The following HERC2 variants were observed in gnomAD, a reference collection of about 807,000 sequenced individuals.
HERC2 encodes E3 ubiquitin-protein ligase HERC2.
HERC2 carries 102 observed loss-of-function variants against 537.7 expected under a neutral mutation model. The ratio of observed to expected loss-of-function variants is 0.19; its 90% CI spans 0.16 to 0.22. The LOEUF (loss-of-function observed/expected upper bound fraction) is 0.22. HERC2 is among the 10% of genes least tolerant of loss of function. The pLI is 1.00. For synonymous variants in HERC2, 2,224 were observed against 2,466.2 expected (o/e 0.90, Z 2.91); for missense variants, 4,236 against 6,198.2 (o/e 0.68, Z 10.63).
chr15:28,202,376 C>A lies in HERC2; in HGVS notation c.7451G>T (p.Gly2484Val). 2 of 1,613,770 alleles carry A rather than the reference C, an allele frequency of 1.2e-6. No individual in the cohort carries two copies. The highest frequency in any genetic ancestry group is 1.3e-5 in the African/African-American group (1 of 75,002). ...NIEFALKSLT[G>V]ASGNASSLPG... ...CAAGCTGGATGCATTCCCGGAAGCA[C>A]CAGTGAGAGACTTCAGGGCAAACTC... Residue 2484 changes from glycine to valine, a missense_variant, in exon 46 of 93, where the codon GGT (glycine) becomes GTT (valine). Gly to Val is a moderately radical substitution (Grantham distance 109). Transcript: ENST00000261609.
In HERC2 at chr15:28,247,358, C is replaced by CA. The variant is rs1318296120; in HGVS notation, c.3236-462dup. 2.0e-5 allele frequency among the ~76,000 whole-genome samples: 3 copies of CA among 150,276 alleles called. No homozygotes were observed. In the South Asian group the frequency reaches 6.3e-4, roughly 32 times the overall value. On this transcript the variant is annotated intron_variant, in intron 21 of 92. Transcript: ENST00000261609. ...TTCCTAAAAGCTTGTAAATTATTCCCAAAAAACAAAGTTAGGCACTTTTCT... is the reference window on the plus strand; with the variant it reads ...TTCCTAAAAGCTTGTAAATTATTCCCAAAAAAACAAAGTTAGGCACTTTTCT...
chr15:28,245,042 TAAG>T (rs1029766815), intron 23 of HERC2, among the ~76,000 whole-genome samples: 2 of 152,130 alleles, frequency 1.3e-5, no homozygotes, highest in African/African-American at 2.4e-5. Flanking sequence ...GCAATGCCTG[TAAG>T]AAGTGCTCAG....
At chr15:28,127,172 A>C (rs765944460) in intron 83 of HERC2, among the ~76,000 whole-genome samples, 4 of 152,196 alleles carry the variant, frequency 2.6e-5, no homozygotes, top group Non-Finnish European at 4.4e-5. Context: ...TGCTCTCCAC[A>C]CGTTGGTCCT....
At chr15:28,301,771 A>G (rs1276586009) in intron 2 of HERC2, among the ~76,000 whole-genome samples, 4 of 112,248 alleles carry the variant, frequency 3.6e-5, no homozygotes, top group Non-Finnish European at 5.2e-5. Context: ...ATATATATAT[A>G]TATATATATG....
chr15:28,213,847 C>A lies in HERC2; in HGVS notation c.6681G>T (p.Glu2227Asp). 1 of 1,614,048 alleles carries A rather than the reference C, an allele frequency of 6.2e-7. No homozygotes were observed. The highest frequency in any genetic ancestry group is 8.5e-7 in the Non-Finnish European group (1 of 1,179,920). The change falls in exon 42 of 93, where the codon GAG (glutamate) becomes GAT (aspartate). Residue 2227 changes from glutamate (E) to aspartate (D), a missense_variant. Around this residue, in one of 27 missense-constraint regions of HERC2, gnomAD observed 365 missense variants for 468.8 expected, o/e 0.78. Coordinates refer to ENST00000261609, the MANE Select transcript of HERC2 (RefSeq NM_004667.6). ...LRLGGQVMHD[E>D]FGEGTVTRIT... ...TGCGAGTCACAGTGCCTTCTCCAAACTCATCGTGCATAACTTGACCGCCCA... is the reference window on the plus strand; with the variant it reads ...TGCGAGTCACAGTGCCTTCTCCAAAATCATCGTGCATAACTTGACCGCCCA...
intron 2 of HERC2, among the ~76,000 whole-genome samples, chr15:28,304,919 T>G (rs1596449487): frequency 7.3e-6 from 1 of 137,534 alleles, no homozygotes; most frequent in African/African-American, 2.7e-5. Flanking sequence ...CCTGTGACCA[T>G]GTGATCTCAT....
At position 28,262,868 on chromosome 15, in the gene HERC2, TAC is replaced by T. The variant is rs779491091; in HGVS notation, c.2122+48_2122+49del. The T allele has an allele frequency of 5.8e-6, 9 of 1,562,194 alleles. No homozygotes were observed. The African/African-American group carries it at 1.2e-4, about 21-fold the overall frequency. ...ATAAAACCTGCTAACTTTAAAACAT[TAC>T]TAAAGAAACTGTCCTGAAGGGTTTT... On this transcript the variant is annotated intron_variant, in intron 15 of 92. Transcript: ENST00000261609.
At chr15:28,285,803 C>CAAAAA (rs3079904) in intron 4 of HERC2, among the ~76,000 whole-genome samples, 11,140 of 71,564 alleles carry the variant, frequency 0.16, 993 homozygotes, top group East Asian at 0.41. Context: ...GCATGACTGA[C>CAAAAA]AAAAAAAAAA....
chr15:28,232,084 G>C (rs182553882), intron 30 of HERC2, among the ~76,000 whole-genome samples: 33 of 152,294 alleles, frequency 2.2e-4, no homozygotes, highest in African/African-American at 7.7e-4. Flanking sequence ...CTCGCATTCA[G>C]ACAGGCTGTT....
At chr15:28,146,203 G>A in intron 71 of HERC2, 34 bp downstream of exon 71, 1 of 1,412,526 alleles carries the variant, frequency 7.1e-7, no homozygotes. Context: ...ACACAGGTGG[G>A]TAGATCATGC....
chr15:28,197,435 TA>T (rs1897452759), intron 50 of HERC2, among the ~76,000 whole-genome samples: 1 of 152,242 alleles, frequency 6.6e-6, no homozygotes, highest in Non-Finnish European at 1.5e-5. Flanking sequence ...TTCCATTTCT[TA>T]AATTCAGTCC....
At chr15:28,317,248 G>A (rs1357554216) in intron 2 of HERC2, among the ~76,000 whole-genome samples, 4 of 152,032 alleles carry the variant, frequency 2.6e-5, no homozygotes, top group Admixed American at 1.3e-4. Flanking sequence ...ACACTACCAC[G>A]CCTGACTCTT....
intron 2 of HERC2, among the ~76,000 whole-genome samples, chr15:28,300,944 T>G (rs1313423957): frequency 1.3e-5 from 2 of 149,244 alleles, no homozygotes; most frequent in Non-Finnish European, 3.0e-5. Context: ...TTTTTGAATA[T>G]ATTTGCTTAC....
At position 28,321,904 on chromosome 15, in the gene HERC2, C is replaced by G. The variant is rs1461496350; in HGVS notation, c.-32+171G>C. On this transcript the variant is annotated intron_variant, in intron 1 of 92. Coordinates refer to ENST00000261609, the MANE Select transcript of HERC2 (RefSeq NM_004667.6). Reference sequence around the variant, plus strand: ...AAAGGATCGCCTGCAGAAAAACCCACAGCCACCACCACTTAAGAGATGGAG... The same window carrying G: ...AAAGGATCGCCTGCAGAAAAACCCAGAGCCACCACCACTTAAGAGATGGAG... Among the ~76,000 whole-genome samples the G allele has an allele frequency of 2.8e-4, 40 of 143,766 alleles. 5 individuals carry two copies. The highest frequency in any genetic ancestry group is 1.1e-3 in the African/African-American group (40 of 35,194). The allele number at this position is 143,766 out of a possible 152,430, so 94.3% of individuals were successfully genotyped here. A position where few individuals can be genotyped will look rare whatever the true frequency, so the allele number is the denominator to read the frequency against.
chr15:28,254,993 T>C (rs759878586), intron 19 of HERC2, among the ~76,000 whole-genome samples: 1 of 152,208 alleles, frequency 6.6e-6, no homozygotes, highest in Admixed American at 6.5e-5. Flanking sequence ...AGAACATATG[T>C]TCACTAAAGT....
At chr15:28,172,424 C>T (rs1894796309) in intron 65 of HERC2, among the ~76,000 whole-genome samples, 1 of 152,088 alleles carries the variant, frequency 6.6e-6, no homozygotes, top group Non-Finnish European at 1.5e-5. Flanking sequence ...CACCAAAATC[C>T]ACAAATAAAT....
At chr15:28,158,008 A>G (rs547024753) in intron 69 of HERC2, among the ~76,000 whole-genome samples, 32 of 152,212 alleles carry the variant, frequency 2.1e-4, no homozygotes, top group Non-Finnish European at 2.9e-4. Context: ...CTAGTCATTC[A>G]GGAGCAGGTT....
At chr15:28,210,133 T>A (rs545549094) in intron 44 of HERC2, among the ~76,000 whole-genome samples, 6 of 151,454 alleles carry the variant, frequency 4.0e-5, no homozygotes, top group Admixed American at 1.3e-4. Flanking sequence ...CACTATTTTT[T>A]TTTATTTATT....
chr15:28,179,944 A>C (rs976720932), intron 57 of HERC2, among the ~76,000 whole-genome samples: 4 of 152,234 alleles, frequency 2.6e-5, no homozygotes, highest in African/African-American at 7.2e-5. Flanking sequence ...AAGTTCATAA[A>C]GTTACAAATA....
Sources: allele counts gnomAD v4.1 joint callset (sites outside exome capture counted in the v4.1 genomes callset), GRCh38; gene constraint gnomAD v4.1.1; regional missense constraint gnomAD v4.1.1; transcripts MANE v1.5; gene names NCBI Gene and HGNC (gene_info 2026-07-23, HGNC 2026-07-21).